VIT: variants seen among roughly 807,000 people sequenced by gnomAD.
VIT encodes the protein vitrin.
A neutral mutation model predicts 78.0 loss-of-function variants in VIT; 99 were observed. That is an observed-to-expected ratio of 1.27 (90% CI 1.08 to 1.50). The LOEUF is 1.50. VIT is among the 40% of genes most tolerant of loss of function. The pLI is 0.00. For missense variants in VIT, 1,126 were observed against 875.3 expected (o/e 1.29, Z -3.61); for synonymous variants, 374 against 334.3 (o/e 1.12, Z -1.29).
At chr2:36,794,436 C>G (rs546964916) in intron 12 of VIT, among the ~76,000 whole-genome samples, 28 of 152,302 alleles carry the variant, frequency 1.8e-4, no homozygotes, top group Middle Eastern at 3.4e-3. Context: ...AACTTTTAGT[C>G]TCCAAGTCTG....
chr2:36,799,945 G>C lies in VIT; in HGVS notation c.1059-1356G>C, dbSNP rs551162456. The stretch of plus-strand genomic sequence containing the variant: ...CACCGGTAGTCCCAGCTACTTGGGA[G>C]ACTGAGGCAGGAGAATCACTTGAAC... On this transcript the variant is annotated intron_variant, in intron 12 of 15. Coordinates refer to ENST00000379242, the MANE Select transcript of VIT (RefSeq NM_053276.4). 4.7e-4 allele frequency among the ~76,000 whole-genome samples: 72 copies of C among 151,670 alleles called. 1 individual carries two copies. The highest frequency in any genetic ancestry group is 3.4e-3 in the Middle Eastern group (1 of 292).
At chr2:36,790,434 C>T (rs746448495) in intron 12 of VIT, among the ~76,000 whole-genome samples, 5 of 152,158 alleles carry the variant, frequency 3.3e-5, no homozygotes, top group Non-Finnish European at 7.3e-5. Flanking sequence ...CTGGTCTGGG[C>T]CCAACAGAAG....
At chr2:36,780,499 C>A (rs1362881552) in intron 9 of VIT, among the ~76,000 whole-genome samples, 1 of 152,116 alleles carries the variant, frequency 6.6e-6, no homozygotes, top group Non-Finnish European at 1.5e-5. Context: ...ATCTTGAATG[C>A]GGAGACTATC....
rs554505576 is a variant in VIT at position 36,759,772 on chromosome 2, C to T, written c.487+726C>T. On this transcript the variant is annotated intron_variant, in intron 6 of 15. Transcript: ENST00000379242. ...TCTGTTCATGTACTTAAGGTGAACACGGTTTAAGAATAGCAGTAGAACTTA... is the reference window on the plus strand; with the variant it reads ...TCTGTTCATGTACTTAAGGTGAACATGGTTTAAGAATAGCAGTAGAACTTA... 8 of 663,974 alleles carry T rather than the reference C, an allele frequency of 1.2e-5. No individual in the cohort carries two copies. The South Asian group carries it at 4.8e-4, about 40-fold the overall frequency. The allele number at this position is 663,974 out of a possible 1,614,324, so 41.1% of individuals were successfully genotyped here.
intron 15 of VIT, among the ~76,000 whole-genome samples, chr2:36,809,706 T>C (rs1667010631): frequency 6.6e-6 from 1 of 152,236 alleles, no homozygotes; most frequent in Non-Finnish European, 1.5e-5. Context: ...TGAGTCACCA[T>C]GCCTAGCCAT....
intron 15 of VIT, among the ~76,000 whole-genome samples, chr2:36,812,420 C>G (rs1171549679): frequency 7.0e-6 from 1 of 142,868 alleles, no homozygotes; most frequent in Non-Finnish European, 1.5e-5. Flanking sequence ...CGAGAATAGG[C>G]TATTGTAGAG....
intron 2 of VIT, among the ~76,000 whole-genome samples, chr2:36,722,324 C>T (rs184884347): frequency 3.2e-4 from 48 of 152,306 alleles, no homozygotes; most frequent in Non-Finnish European, 5.0e-4. Context: ...TTCCCCCAAA[C>T]GACTGCAGCA....
chr2:36,767,376 G>C lies in VIT; in HGVS notation c.679+91G>C, dbSNP rs150880726. On this transcript the variant is annotated intron_variant, in intron 7 of 15. Transcript: ENST00000379242. ...GCTCTGTCTGAGCATCTACTGGGCT[G>C]GGTGAATGGGGAGCACTGGAGAACT... 502 of 1,296,608 alleles carry C rather than the reference G, an allele frequency of 3.9e-4. 8 individuals carry two copies. The East Asian group carries it at 9.4e-3, about 24-fold the overall frequency. The allele number at this position is 1,296,608 out of a possible 1,614,324, so 80.3% of individuals were successfully genotyped here. A position where few individuals can be genotyped will look rare whatever the true frequency, so the allele number is the denominator to read the frequency against.
At chr2:36,765,149 C>A (rs894407280) in intron 6 of VIT, among the ~76,000 whole-genome samples, 1 of 152,032 alleles carries the variant, frequency 6.6e-6, no homozygotes, top group Non-Finnish European at 1.5e-5. Flanking sequence ...CGTGACGGGG[C>A]GGTTATTCTG....
intron 1 of VIT, among the ~76,000 whole-genome samples, chr2:36,702,875 C>G (rs929359962): frequency 2.6e-5 from 4 of 152,208 alleles, no homozygotes; most frequent in African/African-American, 9.7e-5. Flanking sequence ...TCCGTTCTGT[C>G]TGGGGGTTTA....
intron 1 of VIT, among the ~76,000 whole-genome samples, chr2:36,709,878 C>CT (rs1274180299): frequency 6.6e-6 from 1 of 152,148 alleles, no homozygotes; most frequent in African/African-American, 2.4e-5. Context: ...GGAATTTGAG[C>CT]TTTATTCTGT....
At chr2:36,701,363 T>C (rs1665046589) in intron 1 of VIT, among the ~76,000 whole-genome samples, 1 of 152,156 alleles carries the variant, frequency 6.6e-6, no homozygotes, top group Non-Finnish European at 1.5e-5. Context: ...TTCCTTTATC[T>C]TCACTGGAAG....
intron 4 of VIT, 81 bp from the exon 5 acceptor site, chr2:36,754,840 T>C: frequency 6.7e-7 from 1 of 1,487,824 alleles, no homozygotes; most frequent in Non-Finnish European, 9.1e-7. Context: ...TAAATAAAGA[T>C]GGCGACTGGT....
chr2:36,787,784 C>T (rs1033046714), intron 12 of VIT: 7 of 453,522 alleles, frequency 1.5e-5, no homozygotes, highest in African/African-American at 4.0e-5. Flanking sequence ...TCCAAATAAC[C>T]TTAGGCCCCT....
At chr2:36,776,895 C>T (rs1217999220) in intron 9 of VIT, among the ~76,000 whole-genome samples, 1 of 151,506 alleles carries the variant, frequency 6.6e-6, no homozygotes, top group African/African-American at 2.4e-5. Context: ...CGAGACCATC[C>T]CGGCTAACAC....
At chr2:36,718,290 G>C (rs1443293354) in intron 2 of VIT, among the ~76,000 whole-genome samples, 1 of 152,126 alleles carries the variant, frequency 6.6e-6, no homozygotes, top group Non-Finnish European at 1.5e-5. Context: ...GGCAGAACTG[G>C]GGACTGGAAG....
chr2:36,733,106 T>C (rs1057267239), intron 3 of VIT, among the ~76,000 whole-genome samples: 8 of 152,082 alleles, frequency 5.3e-5, no homozygotes, highest in African/African-American at 1.9e-4. Flanking sequence ...ATGGGAAGTG[T>C]CTTCATGTGG....
At chr2:36,802,509 C>A (rs893743217) in intron 13 of VIT, among the ~76,000 whole-genome samples, 3 of 152,164 alleles carry the variant, frequency 2.0e-5, no homozygotes, top group African/African-American at 7.2e-5. Flanking sequence ...GTGACCAGAA[C>A]ATTAGTATCT....
chr2:36,787,417 A>G (rs1227578377), intron 12 of VIT, 141 bp downstream of exon 12: 15 of 1,219,526 alleles, frequency 1.2e-5, no homozygotes, highest in Non-Finnish European at 1.7e-5. Context: ...TGCAAATGTA[A>G]ATGAAAAAAC....
Sources: gnomAD v4.1 joint callset for allele counts (sites outside exome capture counted in the v4.1 genomes callset) on GRCh38, gnomAD v4.1.1 for gene constraint, MANE v1.5 for transcripts, NCBI Gene and HGNC (gene_info 2026-07-23, HGNC 2026-07-21) for gene names.